The following CCDC102B variants were observed in gnomAD, a reference collection of about 807,000 sequenced individuals.
The protein encoded by CCDC102B is coiled-coil domain-containing protein 102B.
A neutral mutation model predicts 57.4 loss-of-function variants in CCDC102B; 75 were observed. The observed-to-expected ratio is 1.31, with a 90% CI of 1.08 to 1.58. The LOEUF (loss-of-function observed/expected upper bound fraction) is 1.58, where lower values mean the gene tolerates loss of function less well. Among genes scored for constraint, CCDC102B ranks in the 40% most tolerant of loss-of-function variants. The pLI, the probability that CCDC102B is intolerant of heterozygous loss-of-function variation, is 0.00. For missense variants in CCDC102B, 636 were observed against 582.6 expected (o/e 1.09, Z -0.94); for synonymous variants, 206 against 201.9 (o/e 1.02, Z -0.17).
intron 4 of CCDC102B, among the ~76,000 whole-genome samples, chr18:68,863,242 A>G (rs1382116073): frequency 6.6e-6 from 1 of 151,738 alleles, no homozygotes; most frequent in South Asian, 2.1e-4. Context: ...TCATTAAAAA[A>G]TCTAGATCAT....
intron 4 of CCDC102B, among the ~76,000 whole-genome samples, chr18:68,855,566 T>G (rs2038344143): frequency 1.3e-5 from 2 of 152,200 alleles, no homozygotes; most frequent in African/African-American, 4.8e-5. Flanking sequence ...CATAATCAAC[T>G]GTAGAATATT....
At chr18:68,918,235 T>G (rs2145098320) in intron 6 of CCDC102B, among the ~76,000 whole-genome samples, 1 of 152,312 alleles carries the variant, frequency 6.6e-6, no homozygotes, top group South Asian at 2.1e-4. Flanking sequence ...ATTAAATACC[T>G]TTGAGAGTCA....
At chr18:69,027,414 A>G (rs896449349) in intron 7 of CCDC102B, among the ~76,000 whole-genome samples, 15 of 152,208 alleles carry the variant, frequency 9.9e-5, no homozygotes, top group African/African-American at 3.4e-4. Context: ...ATATATATAC[A>G]CACACATATA....
At chr18:68,807,285 T>C (rs1194599880) in intron 1 of CCDC102B, among the ~76,000 whole-genome samples, 1 of 152,110 alleles carries the variant, frequency 6.6e-6, no homozygotes, top group African/African-American at 2.4e-5. Context: ...TTAACAGGTG[T>C]GAAAATCAGG....
chr18:68,810,886 C>A (rs776594765), intron 1 of CCDC102B, among the ~76,000 whole-genome samples: 1 of 151,706 alleles, frequency 6.6e-6, no homozygotes, highest in Admixed American at 6.6e-5. Context: ...GTGTGATGTG[C>A]CCCTCCCTAT....
In CCDC102B at chr18:68,911,208, G is replaced by A. The variant is rs192828179; in HGVS notation, c.1263+13780G>A. 4.0e-3 allele frequency among the ~76,000 whole-genome samples: 604 copies of A among 152,252 alleles called. 6 individuals carry two copies. The highest frequency in any genetic ancestry group is 2.9e-3 in the Non-Finnish European group (196 of 68,020). ...CCTAAATGCCCATCAACAGTAAACT[G>A]GATAAAGAAAATATGGTACATACAC... is the stretch of plus-strand genomic sequence containing the variant. On this transcript the variant is annotated intron_variant, in intron 6 of 7. Coordinates refer to ENST00000360242, the MANE Select transcript of CCDC102B (RefSeq NM_024781.3).
intron 6 of CCDC102B, among the ~76,000 whole-genome samples, chr18:69,001,059 C>G (rs2051187587): frequency 1.3e-5 from 2 of 152,138 alleles, no homozygotes; most frequent in South Asian, 4.1e-4. Flanking sequence ...AAATGCACTG[C>G]AGTTCAGGCC....
chr18:68,997,300 A>G (rs1057504505), intron 6 of CCDC102B, among the ~76,000 whole-genome samples: 2 of 152,200 alleles, frequency 1.3e-5, no homozygotes, highest in African/African-American at 4.8e-5. Flanking sequence ...AATTTTCTAT[A>G]TACTTACAAT....
intron 2 of CCDC102B, among the ~76,000 whole-genome samples, chr18:68,733,347 A>G (rs1242757099): frequency 6.6e-6 from 1 of 152,058 alleles, no homozygotes; most frequent in Non-Finnish European, 1.5e-5. Flanking sequence ...TGTCAAAATT[A>G]CAAATACTCT....
chr18:68,965,643 A>G (rs192261432), intron 6 of CCDC102B, among the ~76,000 whole-genome samples: 8 of 151,644 alleles, frequency 5.3e-5, no homozygotes, highest in African/African-American at 1.9e-4. Context: ...ACCAGTCACT[A>G]TTTATAAAAT....
chr18:68,784,226 A>G (rs567471), intron 2 of CCDC102B, among the ~76,000 whole-genome samples: 149,603 of 152,212 alleles, frequency 0.98, 73,571 homozygotes, highest in East Asian at 1. Context: ...TCTGTTTTGT[A>G]GGGGGCAGCG....
chr18:68,909,568 C>T (rs568915957), intron 6 of CCDC102B, among the ~76,000 whole-genome samples: 2 of 152,230 alleles, frequency 1.3e-5, no homozygotes, highest in South Asian at 2.1e-4. Flanking sequence ...ATGTCATCAT[C>T]AATTACTTTT....
chr18:69,042,461 C>G (rs2052457362), intron 7 of CCDC102B, among the ~76,000 whole-genome samples: 1 of 152,120 alleles, frequency 6.6e-6, no homozygotes, highest in Non-Finnish European at 1.5e-5. Context: ...CACTTTAAAG[C>G]TACCACCATG....
intron 6 of CCDC102B, among the ~76,000 whole-genome samples, chr18:68,995,175 T>C (rs1207989852): frequency 6.6e-6 from 1 of 152,168 alleles, no homozygotes; most frequent in East Asian, 1.9e-4. Context: ...TTGAGAGAGA[T>C]GACCTGAAGT....
In CCDC102B at chr18:68,775,810, C is replaced by T. The variant is rs527857278; in HGVS notation, c.-66-47556C>T. On this transcript the variant is annotated intron_variant, in intron 2 of 3. Coordinates refer to the CCDC102B transcript ENST00000578970. Reference sequence around the variant, plus strand: ...CTGGGACTACAGGCGCCCGCCACCACGCCCAGCTAATTTTTGTATTTTTAG... The same window carrying T: ...CTGGGACTACAGGCGCCCGCCACCATGCCCAGCTAATTTTTGTATTTTTAG... Among the ~76,000 whole-genome samples, 6 of 151,980 alleles carry T rather than the reference C, an allele frequency of 3.9e-5. No individual in the cohort carries two copies. In the East Asian group the frequency reaches 7.8e-4, roughly 20 times the overall value.
intron 4 of CCDC102B, among the ~76,000 whole-genome samples, chr18:68,852,675 T>C (rs7238921): frequency 0.65 from 98,997 of 152,036 alleles, 33,282 homozygotes; most frequent in Non-Finnish European, 0.73. Flanking sequence ...CTCATGGATA[T>C]GGAAGTATAC....
intron 6 of CCDC102B, among the ~76,000 whole-genome samples, chr18:68,988,617 G>T (rs2050786340): frequency 6.6e-6 from 1 of 151,908 alleles, no homozygotes. Context: ...AATGAACTCG[G>T]AAATATAATA....
Position 68,897,764 on chromosome 18 carries a change from A to G in CCDC102B, c.1263+336A>G, listed in dbSNP as rs1259262080. 9.9e-6 allele frequency: 6 copies of G among 605,744 alleles called. No homozygotes were observed. In the Admixed American group the frequency reaches 1.8e-4, roughly 18 times the overall value. The allele number at this position is 605,744 out of a possible 1,614,324, so 37.5% of individuals were successfully genotyped here. A position where few individuals can be genotyped will look rare whatever the true frequency, so the allele number is the denominator to read the frequency against. On this transcript the variant is annotated intron_variant, in intron 6 of 7. Coordinates refer to ENST00000360242, the MANE Select transcript of CCDC102B (RefSeq NM_024781.3). ...TTCTAAGCTAATGATCTTATTTCCA[A>G]TAAAGATTTTTTCATTAATTCAAGC...
chr18:68,839,911 T>C (rs961121670), intron 3 of CCDC102B, among the ~76,000 whole-genome samples: 2 of 152,102 alleles, frequency 1.3e-5, no homozygotes, highest in African/African-American at 2.4e-5. Context: ...GCACTTTCAA[T>C]GGAAGGAGTG....
Sources: allele counts gnomAD v4.1 joint callset (sites outside exome capture counted in the v4.1 genomes callset), GRCh38; gene constraint gnomAD v4.1.1; transcripts MANE v1.5; gene names NCBI Gene and HGNC (gene_info 2026-07-23, HGNC 2026-07-21).